SDK1: variants seen among roughly 807,000 people sequenced by gnomAD.
SDK1 encodes protein sidekick-1.
Under a neutral mutation model 245.5 loss-of-function variants are expected in SDK1, and 157 were observed. The observed-to-expected ratio is 0.64, with a 90% confidence interval of 0.56 to 0.73. The LOEUF is 0.73. Among genes scored for constraint, SDK1 ranks in the 30% least tolerant of loss-of-function variants. SDK1 has a pLI of 0.00. For synonymous variants in SDK1, 1,647 were observed against 1,278.5 expected (o/e 1.29, Z -6.15); for missense variants, 3,583 against 3,002.3 (o/e 1.19, Z -4.52).
Position 4,114,893 on chromosome 7 carries a change from C to T in SDK1, c.3823+619C>T, listed in dbSNP as rs1455096880. On this transcript the variant is annotated intron_variant, in intron 25 of 44. Transcript: ENST00000404826. ...TCTTCAGACCTGTTCAGGAGTGGAACGTCACTCTGTTCATCTTCTTGGGGC... is the reference window on the plus strand; with the variant it reads ...TCTTCAGACCTGTTCAGGAGTGGAATGTCACTCTGTTCATCTTCTTGGGGC... Among the ~76,000 whole-genome samples the T allele has an allele frequency of 2.6e-5, 4 of 152,164 alleles. No homozygotes were observed. In the East Asian group the frequency reaches 7.7e-4, roughly 29 times the overall value.
rs1301344641 is a variant in SDK1 at position 4,111,272 on chromosome 7, A to C, written c.3434+500A>C. On this transcript the variant is annotated intron_variant, in intron 23 of 44. Transcript: ENST00000404826. Reference sequence around the variant, plus strand: ...AACCCCGAAACTGATCCGGGCAGTAAATCCTTGGCTTTAACAAAGGGTAGG... The same window carrying C: ...AACCCCGAAACTGATCCGGGCAGTACATCCTTGGCTTTAACAAAGGGTAGG... 2.0e-5 allele frequency among the ~76,000 whole-genome samples: 3 copies of C among 152,214 alleles called. No homozygotes were observed. In the East Asian group the frequency reaches 5.8e-4, roughly 29 times the overall value.
intron 28 of SDK1, among the ~76,000 whole-genome samples, chr7:4,139,919 T>G (rs1779459249): frequency 6.6e-6 from 1 of 152,112 alleles, no homozygotes; most frequent in Non-Finnish European, 1.5e-5. Flanking sequence ...GGGAACGATC[T>G]GGTAATGGGG....
At chr7:3,935,503 C>T (rs1279672943) in intron 5 of SDK1, among the ~76,000 whole-genome samples, 7 of 152,096 alleles carry the variant, frequency 4.6e-5, no homozygotes. Flanking sequence ...AAAATCGAGA[C>T]TATACACAGA....
At chr7:3,904,571 T>G (rs1222371050) in intron 5 of SDK1, among the ~76,000 whole-genome samples, 1 of 152,098 alleles carries the variant, frequency 6.6e-6, no homozygotes, top group African/African-American at 2.4e-5. Context: ...GGTGCACACT[T>G]GTAGTCACAG....
chr7:3,396,691 A>G (rs1280850319), intron 1 of SDK1, among the ~76,000 whole-genome samples: 2 of 151,498 alleles, frequency 1.3e-5, no homozygotes. Flanking sequence ...TACTGTTTTC[A>G]TGATATATCT....
At chr7:4,041,805 A>C (rs1788658598) in intron 17 of SDK1, among the ~76,000 whole-genome samples, 1 of 136,120 alleles carries the variant, frequency 7.3e-6, no homozygotes, top group Non-Finnish European at 1.5e-5. Context: ...ATGTAACTTC[A>C]ACAGCTGCAA....
chr7:3,615,989 A>AG, intron 1 of SDK1, among the ~76,000 whole-genome samples: 1 of 151,916 alleles, frequency 6.6e-6, no homozygotes, highest in Admixed American at 6.6e-5. Context: ...GGGTCAAGTA[A>AG]TCCCTCCACC....
intron 44 of SDK1, among the ~76,000 whole-genome samples, chr7:4,250,565 G>A (rs577975003): frequency 5.4e-4 from 82 of 152,106 alleles, no homozygotes; most frequent in African/African-American, 1.9e-3. Context: ...GGCTGGTCTC[G>A]AACTCCTGAC....
At chr7:4,027,288 G>C (rs765018052) in intron 17 of SDK1, among the ~76,000 whole-genome samples, 8 of 152,216 alleles carry the variant, frequency 5.3e-5, no homozygotes, top group African/African-American at 1.9e-4. Context: ...AGGGAAGGTG[G>C]TGTTGCTTTA....
At chr7:3,763,451 C>T (rs1257229410) in intron 4 of SDK1, among the ~76,000 whole-genome samples, 1 of 152,104 alleles carries the variant, frequency 6.6e-6, no homozygotes, top group Non-Finnish European at 1.5e-5. Flanking sequence ...TTTACTTCAT[C>T]GCATCTATAC....
In SDK1 at chr7:4,165,129, C is replaced by A. The variant is rs938773385; in HGVS notation, c.4800+3273C>A. Among the ~76,000 whole-genome samples the A allele has an allele frequency of 7.9e-5, 12 of 152,044 alleles. No individual in the cohort carries two copies. The East Asian group carries it at 2.1e-3, about 27-fold the overall frequency. On this transcript the variant is annotated intron_variant, in intron 32 of 44. Transcript: ENST00000404826. ...GGGCCAGCACTTTGGGAGGCTGAGG[C>A]GGGTGGATCACCTGAGGTCAGGAGT...
intron 1 of SDK1, among the ~76,000 whole-genome samples, chr7:3,519,017 G>T (rs552827703): frequency 2.3e-4 from 35 of 152,160 alleles, no homozygotes; most frequent in Middle Eastern, 3.4e-3. Flanking sequence ...GAACTGGAGG[G>T]CATTATGTTT....
At chr7:3,863,444 T>C (rs1780745060) in intron 5 of SDK1, among the ~76,000 whole-genome samples, 1 of 152,242 alleles carries the variant, frequency 6.6e-6, no homozygotes. Context: ...AATGTTACCA[T>C]TTTAACTATG....
At chr7:4,139,571 A>ATGTATATATGTG (rs1562872023) in intron 28 of SDK1, among the ~76,000 whole-genome samples, 631 of 15,328 alleles carry the variant, frequency 0.041, 140 homozygotes, top group African/African-American at 0.14. Flanking sequence ...ATGTGTGTAT[A>ATGTATATATGTG]TGTGTGTGTG....
intron 1 of SDK1, among the ~76,000 whole-genome samples, chr7:3,384,439 C>T (rs553312239): frequency 7.9e-5 from 12 of 152,126 alleles, no homozygotes; most frequent in Admixed American, 3.9e-4. Context: ...GGAAAGACTG[C>T]GTCCTATATG....
At chr7:3,565,518 G>A (rs1779883235) in intron 1 of SDK1, among the ~76,000 whole-genome samples, 1 of 152,182 alleles carries the variant, frequency 6.6e-6, no homozygotes, top group Non-Finnish European at 1.5e-5. Context: ...CTTATAGAAA[G>A]TATGGTCATC....
intron 1 of SDK1, among the ~76,000 whole-genome samples, chr7:3,506,705 G>T (rs1300143097): frequency 6.6e-6 from 1 of 152,064 alleles, no homozygotes; most frequent in Non-Finnish European, 1.5e-5. Context: ...CAGATTCACT[G>T]ATCTTTTCTT....
chr7:3,690,464 C>A (rs1784411624), intron 4 of SDK1, among the ~76,000 whole-genome samples: 1 of 152,070 alleles, frequency 6.6e-6, no homozygotes, highest in African/African-American at 2.4e-5. Flanking sequence ...CATTGTTTCT[C>A]TTTCAAATTT....
chr7:4,035,409 A>G lies in SDK1; in HGVS notation c.2603-13939A>G, dbSNP rs183982562. On this transcript the variant is annotated intron_variant, in intron 17 of 44. Transcript: ENST00000404826. ...ACAGTATGGAAAGTAACTGTTTCACATAACTTTGAAAGATGGAAATTTGTA... is the reference window on the plus strand; with the variant it reads ...ACAGTATGGAAAGTAACTGTTTCACGTAACTTTGAAAGATGGAAATTTGTA... Among the ~76,000 whole-genome samples, 13 of 152,342 alleles carry G rather than the reference A, an allele frequency of 8.5e-5. No individual in the cohort carries two copies. The East Asian group carries it at 2.5e-3, about 29-fold the overall frequency.
Sources: allele counts gnomAD v4.1 joint callset (sites outside exome capture counted in the v4.1 genomes callset), GRCh38; gene constraint gnomAD v4.1.1; transcripts MANE v1.5; gene names NCBI Gene and HGNC (gene_info 2026-07-23, HGNC 2026-07-21).